The following NKAIN2 variants were observed in gnomAD, a reference collection of about 807,000 sequenced individuals.
NKAIN2 encodes the protein sodium/potassium-transporting ATPase subunit beta-1-interacting protein 2.
Under a neutral mutation model 32.6 loss-of-function variants are expected in NKAIN2, and 14 were observed. The ratio of observed to expected loss-of-function variants is 0.43; its 90% CI spans 0.28 to 0.67. The LOEUF is 0.67. Ranked by LOEUF, NKAIN2 falls within the 30% of genes least tolerant of loss-of-function variation. NKAIN2 has a pLI of 0.17. For missense variants in NKAIN2, 198 were observed against 258.3 expected (o/e 0.77, Z 1.60); for synonymous variants, 80 against 87.2 (o/e 0.92, Z 0.46).
At chr6:124,051,938 C>T (rs1487420931) in intron 1 of NKAIN2, among the ~76,000 whole-genome samples, 1 of 151,974 alleles carries the variant, frequency 6.6e-6, no homozygotes. Context: ...TCAAAAGTGC[C>T]ATGTGACAAT....
chr6:124,101,785 T>A (rs1784903882), intron 1 of NKAIN2, among the ~76,000 whole-genome samples: 1 of 152,018 alleles, frequency 6.6e-6, no homozygotes, highest in African/African-American at 2.4e-5. Flanking sequence ...CATGACTGAC[T>A]TAGGTGAGTC....
intron 3 of NKAIN2, among the ~76,000 whole-genome samples, chr6:124,481,170 CTTTTT>C (rs5879741): frequency 2.2e-5 from 3 of 136,488 alleles, no homozygotes; most frequent in African/African-American, 7.8e-5. Context: ...GTTAGAGTTA[CTTTTT>C]TTTTTTTTTT....
At chr6:124,451,086 TGTAAA>T (rs1367867653) in intron 3 of NKAIN2, among the ~76,000 whole-genome samples, 2 of 152,142 alleles carry the variant, frequency 1.3e-5, no homozygotes, top group African/African-American at 2.4e-5. Context: ...GCACACTATC[TGTAAA>T]GTAATTTTAT....
intron 1 of NKAIN2, among the ~76,000 whole-genome samples, chr6:123,852,092 A>C (rs975801387): frequency 6.6e-6 from 1 of 152,180 alleles, no homozygotes; most frequent in Non-Finnish European, 1.5e-5. Context: ...CAGTTTTTAC[A>C]CTGAAGTTTT....
At chr6:123,805,911 A>G (rs1396446267) in intron 1 of NKAIN2, among the ~76,000 whole-genome samples, 1 of 152,146 alleles carries the variant, frequency 6.6e-6, no homozygotes. Flanking sequence ...ATCATGTAAT[A>G]TAATAGGGCT....
intron 4 of NKAIN2, among the ~76,000 whole-genome samples, chr6:124,770,925 C>G (rs1778725803): frequency 6.6e-6 from 1 of 152,148 alleles, no homozygotes; most frequent in African/African-American, 2.4e-5. Flanking sequence ...TTTGCCATAT[C>G]AGGAGAACCA....
At chr6:123,987,695 C>A (rs984917465) in intron 1 of NKAIN2, among the ~76,000 whole-genome samples, 1 of 152,140 alleles carries the variant, frequency 6.6e-6, no homozygotes, top group Non-Finnish European at 1.5e-5. Context: ...TTAGAAACAA[C>A]CTGAATTCCT....
intron 3 of NKAIN2, among the ~76,000 whole-genome samples, chr6:124,622,826 C>T (rs889397545): frequency 5.9e-5 from 9 of 152,100 alleles, no homozygotes; most frequent in East Asian, 1.9e-4. Flanking sequence ...CTTTCTCTGC[C>T]GCATCGCTCT....
At chr6:124,044,336 T>G (rs964718258) in intron 1 of NKAIN2, among the ~76,000 whole-genome samples, 4 of 152,022 alleles carry the variant, frequency 2.6e-5, no homozygotes, top group African/African-American at 9.7e-5. Context: ...ATATAAAAAC[T>G]GTGGAATGTT....
At chr6:123,815,021 C>A (rs975083788) in intron 1 of NKAIN2, among the ~76,000 whole-genome samples, 8 of 152,106 alleles carry the variant, frequency 5.3e-5, no homozygotes, top group Admixed American at 2.6e-4. Flanking sequence ...TATGAAATGT[C>A]CACATACGAA....
intron 2 of NKAIN2, among the ~76,000 whole-genome samples, chr6:124,341,802 A>G (rs549679968): frequency 2.7e-4 from 41 of 152,298 alleles, no homozygotes; most frequent in African/African-American, 8.4e-4. Context: ...CTTAAGGGAC[A>G]GGTTTATATA....
chr6:124,400,299 T>A (rs1289577015), intron 3 of NKAIN2, among the ~76,000 whole-genome samples: 3 of 151,422 alleles, frequency 2.0e-5, no homozygotes, highest in African/African-American at 7.3e-5. Flanking sequence ...GCAGCCAGAG[T>A]TGAAAACCAC....
At chr6:124,456,399 C>T (rs1776324031) in intron 3 of NKAIN2, among the ~76,000 whole-genome samples, 1 of 151,568 alleles carries the variant, frequency 6.6e-6, no homozygotes, top group South Asian at 2.1e-4. Context: ...TCTTATATAT[C>T]TGCAGAACAA....
intron 1 of NKAIN2, among the ~76,000 whole-genome samples, chr6:123,883,071 G>A (rs936014576): frequency 1.3e-5 from 2 of 152,086 alleles, no homozygotes; most frequent in African/African-American, 4.8e-5. Context: ...CCCCAGTGTT[G>A]GAAGAGGGGC....
intron 1 of NKAIN2, among the ~76,000 whole-genome samples, chr6:123,935,621 A>G (rs1432296622): frequency 2.0e-5 from 3 of 152,098 alleles, no homozygotes; most frequent in Non-Finnish European, 2.9e-5. Flanking sequence ...CTTTAAAAAG[A>G]TAAATATGTT....
At chr6:124,806,489 C>T (rs971936732) in intron 5 of NKAIN2, among the ~76,000 whole-genome samples, 82 of 152,074 alleles carry the variant, frequency 5.4e-4, no homozygotes, top group Middle Eastern at 3.4e-3. Flanking sequence ...CTGAAGGAAA[C>T]ACTAAACATG....
At chr6:124,143,290 T>A (rs1787230833) in intron 1 of NKAIN2, among the ~76,000 whole-genome samples, 1 of 152,066 alleles carries the variant, frequency 6.6e-6, no homozygotes, top group South Asian at 2.1e-4. Flanking sequence ...AGAATTCACG[T>A]CTACAGAAAA....
chr6:124,360,200 C>T (rs982398883), intron 3 of NKAIN2, among the ~76,000 whole-genome samples: 5 of 152,058 alleles, frequency 3.3e-5, no homozygotes, highest in African/African-American at 9.7e-5. Flanking sequence ...GATTTTTCAT[C>T]GATGTTCATC....
intron 2 of NKAIN2, among the ~76,000 whole-genome samples, chr6:124,297,798 C>A (rs922619161): frequency 7.2e-5 from 11 of 151,794 alleles, no homozygotes; most frequent in African/African-American, 2.7e-4. Flanking sequence ...GGCAAGAAAC[C>A]ACCAGTTGTT....
Sources: allele counts gnomAD v4.1 joint callset (sites outside exome capture counted in the v4.1 genomes callset), GRCh38; gene constraint gnomAD v4.1.1; transcripts MANE v1.5; gene names NCBI Gene and HGNC (gene_info 2026-07-23, HGNC 2026-07-21).